The following FGF13 variants were observed in gnomAD, a reference collection of about 807,000 sequenced individuals.
The protein encoded by FGF13 is fibroblast growth factor homologous factor 2.
A neutral mutation model predicts 19.5 loss-of-function variants in FGF13; 2 were observed. The ratio of observed to expected loss-of-function variants is 0.10; its 90% CI spans 0.04 to 0.32. The LOEUF is 0.32. Among genes scored for constraint, FGF13 ranks in the 10% least tolerant of loss-of-function variants. The pLI, the probability that FGF13 is intolerant of heterozygous loss-of-function variation, is 1.00. For synonymous variants in FGF13, 72 were observed against 76.9 expected (o/e 0.94, Z 0.33); for missense variants, 113 against 192.7 (o/e 0.59, Z 2.45).
chrX:138,701,566 A>C (rs1157370344), intron 3 of FGF13, among the ~76,000 whole-genome samples: 1 of 112,624 alleles, frequency 8.9e-6, no homozygotes, highest in Non-Finnish European at 1.9e-5. Flanking sequence ...AAATTGCCTG[A>C]TAGGAAAACT....
chrX:138,932,522 G>C (rs1212549780), intron 1 of FGF13, among the ~76,000 whole-genome samples: 6 of 97,117 alleles, frequency 6.2e-5, no homozygotes, highest in Non-Finnish European at 1.0e-4. Flanking sequence ...AGGGCGGGGG[G>C]TGGGGGTGTG....
At chrX:138,814,220 A>G (rs922048250) in intron 3 of FGF13, among the ~76,000 whole-genome samples, 2 of 110,242 alleles carry the variant, frequency 1.8e-5, no homozygotes, top group African/African-American at 6.6e-5. Context: ...AGAATTAGAC[A>G]AGTTGTCACT....
intron 1 of FGF13, among the ~76,000 whole-genome samples, chrX:139,152,020 T>TA (rs2083937937): frequency 9.1e-6 from 1 of 110,389 alleles, no homozygotes; most frequent in Non-Finnish European, 1.9e-5. Context: ...TAATGAAAAA[T>TA]AAAAAGCCTT....
chrX:138,898,281 A>G (rs2091514140), intron 1 of FGF13, among the ~76,000 whole-genome samples: 1 of 112,172 alleles, frequency 8.9e-6, no homozygotes, highest in South Asian at 3.7e-4. Flanking sequence ...CACTACCTAT[A>G]TTATTTACTT....
chrX:138,915,240 C>T (rs1338687681), intron 1 of FGF13, among the ~76,000 whole-genome samples: 1 of 111,526 alleles, frequency 9.0e-6, no homozygotes, highest in Non-Finnish European at 1.9e-5. Flanking sequence ...ATTACTGGTG[C>T]TCTGGAAATC....
At chrX:138,727,025 A>C (rs1193751355) in intron 1 of FGF13, among the ~76,000 whole-genome samples, 2 of 111,505 alleles carry the variant, frequency 1.8e-5, no homozygotes, top group Non-Finnish European at 3.8e-5. Context: ...CTCATTATAA[A>C]CCATATCTGT....
intron 1 of FGF13, among the ~76,000 whole-genome samples, chrX:139,093,889 A>G (rs2083454164): frequency 8.9e-6 from 1 of 112,153 alleles, no homozygotes; most frequent in Non-Finnish European, 1.9e-5. Flanking sequence ...TTTGGCAGAC[A>G]TTACTTTATT....
chrX:139,189,287 A>G (rs1442854935), intron 1 of FGF13, among the ~76,000 whole-genome samples: 1 of 111,465 alleles, frequency 9.0e-6, no homozygotes, highest in Non-Finnish European at 1.9e-5. Flanking sequence ...GAGAAAATAA[A>G]TTGAGTATTT....
At chrX:138,984,510 A>G (rs1382983200) in intron 1 of FGF13, among the ~76,000 whole-genome samples, 4 of 65,494 alleles carry the variant, frequency 6.1e-5, no homozygotes, top group South Asian at 9.6e-4. Context: ...GGAGAAGAAG[A>G]GGAAGAAGAA....
At chrX:139,200,892 T>A (rs775610243) in intron 1 of FGF13, among the ~76,000 whole-genome samples, 1 of 112,216 alleles carries the variant, frequency 8.9e-6, no homozygotes, top group African/African-American at 3.2e-5. Context: ...TGTGACAAGG[T>A]AGAGAAGAGT....
chrX:138,696,122 A>C (rs1044056247), intron 3 of FGF13, among the ~76,000 whole-genome samples: 2 of 111,994 alleles, frequency 1.8e-5, no homozygotes, highest in African/African-American at 6.5e-5. Flanking sequence ...GAATAAACCA[A>C]TGTAGGAACA....
At chrX:138,813,597 A>G (rs970081617) in intron 3 of FGF13, among the ~76,000 whole-genome samples, 1 of 112,132 alleles carries the variant, frequency 8.9e-6, no homozygotes, top group African/African-American at 3.2e-5. Flanking sequence ...CAGTTGCTAC[A>G]GTGAAATACC....
intron 3 of FGF13, among the ~76,000 whole-genome samples, chrX:138,676,993 C>A (rs1211818363): frequency 8.9e-6 from 1 of 112,573 alleles, no homozygotes; most frequent in Non-Finnish European, 1.9e-5. Flanking sequence ...TCCCATAAAT[C>A]ATTCAATCAG....
intron 1 of FGF13, among the ~76,000 whole-genome samples, chrX:138,905,008 G>GT (rs2091550161): frequency 9.1e-6 from 1 of 109,840 alleles, no homozygotes; most frequent in East Asian, 2.8e-4. Flanking sequence ...CACAGTAAAC[G>GT]TAAGTACAAT....
At chrX:138,844,020 AT>A (rs1376063686) in intron 3 of FGF13, among the ~76,000 whole-genome samples, 1 of 112,135 alleles carries the variant, frequency 8.9e-6, no homozygotes, top group East Asian at 2.8e-4. Context: ...AAAACTGTGT[AT>A]TTGTTCTTTT....
At chrX:138,721,713 T>C (rs779603276) in intron 1 of FGF13, among the ~76,000 whole-genome samples, 12 of 110,737 alleles carry the variant, frequency 1.1e-4, no homozygotes, top group Non-Finnish European at 2.3e-4. Flanking sequence ...GTTGATTTTG[T>C]TTTTATTTCA....
intron 3 of FGF13, among the ~76,000 whole-genome samples, chrX:138,761,838 C>T (rs763841451): frequency 1.8e-5 from 2 of 111,338 alleles, no homozygotes; most frequent in East Asian, 5.7e-4. Flanking sequence ...CGAAATCCAT[C>T]CCCTCCTTTG....
intron 1 of FGF13, among the ~76,000 whole-genome samples, chrX:138,905,484 C>T (rs1245399612): frequency 1.8e-5 from 2 of 111,519 alleles, no homozygotes; most frequent in Non-Finnish European, 3.8e-5. Flanking sequence ...TGGGAGACCC[C>T]AGAAGGCAAT....
chrX:138,981,471 T>C (rs948560164), intron 1 of FGF13, among the ~76,000 whole-genome samples: 1 of 111,423 alleles, frequency 9.0e-6, no homozygotes, highest in Non-Finnish European at 1.9e-5. Flanking sequence ...GATCCTATTT[T>C]GAGCAACCAT....
Sources: allele counts gnomAD v4.1 joint callset (sites outside exome capture counted in the v4.1 genomes callset), GRCh38; gene constraint gnomAD v4.1.1; transcripts MANE v1.5; gene names NCBI Gene and HGNC (gene_info 2026-07-23, HGNC 2026-07-21).